NLRP8: variants seen among roughly 807,000 people sequenced by gnomAD.
The protein encoded by NLRP8 is NACHT, LRR and PYD domains-containing protein 8.
In NLRP8, 86 loss-of-function variants were observed where a neutral mutation model predicts 88.7. The observed-to-expected ratio is 0.97, with a 90% CI of 0.81 to 1.16. NLRP8 has a LOEUF of 1.16. NLRP8 is among the 50% of genes most tolerant of loss of function. The pLI, the probability that NLRP8 is intolerant of heterozygous loss-of-function variation, is 0.00. For missense variants in NLRP8, 1,342 were observed against 1,286.5 expected (o/e 1.04, Z -0.66); for synonymous variants, 504 against 494.6 (o/e 1.02, Z -0.25).
chr19:55,987,715 G>T, intron 9 of NLRP8: 1 of 824,528 alleles, frequency 1.2e-6, no homozygotes, highest in East Asian at 2.5e-5. Flanking sequence ...GGAGGGGTAC[G>T]GTCTGTAGAA....
intron 9 of NLRP8, among the ~76,000 whole-genome samples, chr19:55,981,592 C>T (rs1980574806): frequency 6.6e-6 from 1 of 152,096 alleles, no homozygotes; most frequent in Non-Finnish European, 1.5e-5. Flanking sequence ...ATAGACTGGT[C>T]CATCAACTGT....
intron 4 of NLRP8, 106 bp from the exon 5 acceptor site, chr19:55,966,107 C>A: frequency 1.1e-6 from 1 of 944,430 alleles, no homozygotes; most frequent in Non-Finnish European, 1.7e-6. Flanking sequence ...GAGAGTGGGA[C>A]TGCACCTGTC....
rs562970787 is a variant in NLRP8 at position 55,960,837 on chromosome 19, C to G, written c.2043-1230C>G. 2.7e-5 allele frequency among the ~76,000 whole-genome samples: 4 copies of G among 150,400 alleles called. No homozygotes were observed. The South Asian group carries it at 6.3e-4, about 24-fold the overall frequency. The stretch of plus-strand genomic sequence containing the variant: ...AAGTATTCTTTGAAAAATAGGTGTG[C>G]TAGAGATGATTAAACTATTTCCCCC... On this transcript the variant is annotated intron_variant, in intron 3 of 9. Coordinates refer to ENST00000291971, the MANE Select transcript of NLRP8 (RefSeq NM_176811.2).
At chr19:55,963,168 C>G (rs2123202428) in intron 4 of NLRP8, among the ~76,000 whole-genome samples, 1 of 152,268 alleles carries the variant, frequency 6.6e-6, no homozygotes, top group South Asian at 2.1e-4. Flanking sequence ...AATGCACCAC[C>G]ATGCCTGGCT....
chr19:55,987,012 A>G (rs1980876085), intron 9 of NLRP8, among the ~76,000 whole-genome samples: 1 of 151,778 alleles, frequency 6.6e-6, no homozygotes, highest in Non-Finnish European at 1.5e-5. Flanking sequence ...TTCCTCTAAA[A>G]CCTCATATTT....
At chr19:55,950,992 C>T (rs149077272) in intron 1 of NLRP8, among the ~76,000 whole-genome samples, 220 of 152,064 alleles carry the variant, frequency 1.4e-3, no homozygotes, top group African/African-American at 5.0e-3. Flanking sequence ...GCAGAAGAAT[C>T]GCTTGAACCC....
Position 55,987,926 on chromosome 19 carries a change from T to C in NLRP8, c.*13T>C. 6.3e-7 allele frequency: 1 copy of C among 1,587,892 alleles called. No individual in the cohort carries two copies. The highest frequency in any genetic ancestry group is 8.6e-7 in the Non-Finnish European group (1 of 1,156,148). On this transcript the variant is annotated 3_prime_UTR_variant, in exon 10 of 10. Transcript: ENST00000291971. ...GATTAATCCTTAGGCCGTCCAGTCA[T>C]CTTTCTCTGGGGCTTGATTGATCAG...
intron 5 of NLRP8, among the ~76,000 whole-genome samples, chr19:55,970,330 C>A (rs900213861): frequency 2.0e-4 from 31 of 152,168 alleles, no homozygotes; most frequent in Admixed American, 2.0e-3. Context: ...TTATTGTATT[C>A]CAGTTGATGA....
chr19:55,958,349 A>T (rs894177067), intron 3 of NLRP8, among the ~76,000 whole-genome samples: 2 of 152,202 alleles, frequency 1.3e-5, no homozygotes, highest in Non-Finnish European at 2.9e-5. Flanking sequence ...TGGATAGATA[A>T]GTAAAAGTTG....
At chr19:55,957,046 G>A (rs141330336) in intron 3 of NLRP8, among the ~76,000 whole-genome samples, 1 of 152,204 alleles carries the variant, frequency 6.6e-6, no homozygotes, top group African/African-American at 2.4e-5. Flanking sequence ...TCCCACCTTG[G>A]CCTCCCAAAG....
At chr19:55,982,701 G>A (rs1980623703) in intron 9 of NLRP8, among the ~76,000 whole-genome samples, 1 of 152,206 alleles carries the variant, frequency 6.6e-6, no homozygotes, top group African/African-American at 2.4e-5. Flanking sequence ...TCAGCACTGT[G>A]GGAGGTTAAG....
chr19:55,948,416 G>A (rs752794054), intron 1 of NLRP8, 147 bp downstream of exon 1: 124 of 827,774 alleles, frequency 1.5e-4, no homozygotes, highest in Non-Finnish European at 2.1e-4. Context: ...CAAAGGCAAA[G>A]ACTGTCATAC....
Position 55,979,400 on chromosome 19 carries a change from A to G in NLRP8, c.2883A>G (p.Glu961=), listed in dbSNP as rs368213345. The change falls in exon 9 of 10, where the codon GAA becomes GAG. Residue 961 remains glutamate, a synonymous_variant. Coordinates refer to ENST00000291971, the MANE Select transcript of NLRP8 (RefSeq NM_176811.2). ...GTCTGTTTCTGTGTCACAGGCTGGA[A>G]AACTGCCTGTTCACCTCCATCTGCT... is the stretch of plus-strand genomic sequence containing the variant. 1.7e-4 allele frequency: 279 copies of G among 1,613,612 alleles called. 1 individual carries two copies. The highest frequency in any genetic ancestry group is 2.7e-4 in the Admixed American group (16 of 60,022).
chr19:55,988,495 T>G lies in NLRP8; in HGVS notation c.*582T>G, dbSNP rs1298719947. 6.8e-6 allele frequency: 1 copy of G among 146,626 alleles called. No homozygotes were observed. The highest frequency in any genetic ancestry group is 2.0e-4 in the East Asian group (1 of 5,070). The allele number at this position is 146,626 out of a possible 1,614,324, so 9.1% of individuals were successfully genotyped here. ...GCTATATAAAGTTTAAATGAAATGC[T>G]TTGAGTCACCTAAGACAGGATATAG... On this transcript the variant is annotated 3_prime_UTR_variant, in exon 10 of 10. Transcript: ENST00000291971.
chr19:55,951,523 C>G (rs1204899208), intron 1 of NLRP8, among the ~76,000 whole-genome samples: 2 of 152,186 alleles, frequency 1.3e-5, no homozygotes, highest in Non-Finnish European at 2.9e-5. Flanking sequence ...TATGTGCACA[C>G]ATACATAGAT....
chr19:55,973,981 G>A (rs919091678), intron 7 of NLRP8, among the ~76,000 whole-genome samples, 159 bp downstream of exon 7: 18 of 152,166 alleles, frequency 1.2e-4, no homozygotes, highest in Non-Finnish European at 2.6e-4. Flanking sequence ...AAAGAGGAGG[G>A]TTATTATTTC....
intron 3 of NLRP8, among the ~76,000 whole-genome samples, chr19:55,956,851 G>A (rs1236492949): frequency 1.3e-5 from 2 of 151,996 alleles, no homozygotes; most frequent in Non-Finnish European, 2.9e-5. Context: ...GGAAGGCAGT[G>A]GTACGATCGT....
intron 8 of NLRP8, among the ~76,000 whole-genome samples, chr19:55,976,608 A>G (rs1980338234): frequency 6.6e-6 from 1 of 152,082 alleles, no homozygotes; most frequent in Non-Finnish European, 1.5e-5. Context: ...CCAGTTGAAT[A>G]AAAGATAACA....
chr19:55,987,433 G>A (rs1372046301), intron 9 of NLRP8, among the ~76,000 whole-genome samples: 1 of 152,212 alleles, frequency 6.6e-6, no homozygotes, highest in Non-Finnish European at 1.5e-5. Context: ...GCTAATGTCT[G>A]GTCTGCATTT....
Sources: allele counts gnomAD v4.1 joint callset (sites outside exome capture counted in the v4.1 genomes callset), GRCh38; gene constraint gnomAD v4.1.1; transcripts MANE v1.5; gene names NCBI Gene and HGNC (gene_info 2026-07-23, HGNC 2026-07-21).